The following KCNH8 variants were observed in gnomAD, a reference collection of about 807,000 sequenced individuals.
KCNH8 encodes the protein voltage-gated delayed rectifier potassium channel KCNH8.
A neutral mutation model predicts 103.6 loss-of-function variants in KCNH8; 70 were observed. That is an observed-to-expected ratio of 0.68 (90% CI 0.56 to 0.82). The LOEUF is 0.82. Ranked by LOEUF, KCNH8 falls within the 40% of genes least tolerant of loss-of-function variation. The probability of loss-of-function intolerance (pLI) is 0.00; values close to 1 mark genes in which losing one functional copy is unlikely to be tolerated. For synonymous variants in KCNH8, 498 were observed against 489.4 expected (o/e 1.02, Z -0.23); for missense variants, 1,217 against 1,329.9 (o/e 0.92, Z 1.32).
chr3:19,231,785 G>A (rs1173909755), intron 1 of KCNH8, among the ~76,000 whole-genome samples: 1 of 152,074 alleles, frequency 6.6e-6, no homozygotes, highest in East Asian at 1.9e-4. Context: ...AAGTGTTTGG[G>A]GTCTGATTCT....
At chr3:19,251,279 C>G (rs2064274145) in intron 1 of KCNH8, among the ~76,000 whole-genome samples, 1 of 152,040 alleles carries the variant, frequency 6.6e-6, no homozygotes. Context: ...ATAAGTGATT[C>G]TGCAAAGTGT....
chr3:19,288,740 A>G (rs1286899537), intron 3 of KCNH8, among the ~76,000 whole-genome samples: 1 of 152,208 alleles, frequency 6.6e-6, no homozygotes. Context: ...CTTTGGTTAT[A>G]TACCCAGTAA....
chr3:19,254,069 C>A (rs1054877785), intron 2 of KCNH8, among the ~76,000 whole-genome samples, 182 bp downstream of exon 2: 2 of 151,614 alleles, frequency 1.3e-5, no homozygotes, highest in African/African-American at 4.8e-5. Flanking sequence ...GCATAAACTG[C>A]CTAGAAATTT....
intron 1 of KCNH8, among the ~76,000 whole-genome samples, chr3:19,197,132 G>GA (rs1025218993): frequency 2.0e-5 from 3 of 151,920 alleles, no homozygotes; most frequent in Middle Eastern, 3.4e-3. Flanking sequence ...TTATTATTCT[G>GA]AAAAAAATGC....
chr3:19,426,671 T>G (rs2067033716), intron 7 of KCNH8, among the ~76,000 whole-genome samples: 1 of 151,978 alleles, frequency 6.6e-6, no homozygotes, highest in Non-Finnish European at 1.5e-5. Context: ...GCTGTTAGCC[T>G]CATGACCAAG....
intron 1 of KCNH8, among the ~76,000 whole-genome samples, chr3:19,172,544 GTTGTCATCT>G (rs1328517173): frequency 6.6e-6 from 1 of 152,144 alleles, no homozygotes. Flanking sequence ...TTTCATCACT[GTTGTCATCT>G]TTGTCATCAT....
chr3:19,197,495 T>C (rs2063613704), intron 1 of KCNH8, among the ~76,000 whole-genome samples: 1 of 152,112 alleles, frequency 6.6e-6, no homozygotes, highest in Admixed American at 6.6e-5. Context: ...GCAGTTAATA[T>C]TAACAGTTGT....
chr3:19,247,236 C>A (rs1455627581), intron 1 of KCNH8, among the ~76,000 whole-genome samples: 1 of 152,102 alleles, frequency 6.6e-6, no homozygotes, highest in Non-Finnish European at 1.5e-5. Flanking sequence ...AGATAACCTC[C>A]TAAATTTTGG....
chr3:19,150,249 C>T (rs1365865796), intron 1 of KCNH8, among the ~76,000 whole-genome samples: 1 of 152,098 alleles, frequency 6.6e-6, no homozygotes, highest in African/African-American at 2.4e-5. Context: ...ACCACTGAAG[C>T]GCCACACAAA....
At chr3:19,167,657 C>G (rs2063298932) in intron 1 of KCNH8, among the ~76,000 whole-genome samples, 1 of 152,202 alleles carries the variant, frequency 6.6e-6, no homozygotes, top group Admixed American at 6.5e-5. Context: ...TTACTGTACA[C>G]AGATTCTGGT....
rs377409345 is a variant in KCNH8 at position 19,308,319 on chromosome 3, A to G, written c.442+26990A>G. 3.3e-5 allele frequency among the ~76,000 whole-genome samples: 5 copies of G among 151,728 alleles called. No individual in the cohort carries two copies. The South Asian group carries it at 6.2e-4, about 19-fold the overall frequency. On this transcript the variant is annotated intron_variant, in intron 3 of 15. Coordinates refer to ENST00000328405, the MANE Select transcript of KCNH8 (RefSeq NM_144633.3). ...AAAAAAAAGGTGATGATTAGAATTCATATGGCCTACTATCAGTAGACCTCA... is the reference window on the plus strand; with the variant it reads ...AAAAAAAAGGTGATGATTAGAATTCGTATGGCCTACTATCAGTAGACCTCA...
At chr3:19,301,469 C>G (rs965071806) in intron 3 of KCNH8, among the ~76,000 whole-genome samples, 1 of 150,798 alleles carries the variant, frequency 6.6e-6, no homozygotes, top group South Asian at 2.1e-4. Context: ...TAAGGAAATC[C>G]ATCATTAATA....
chr3:19,214,534 G>A (rs1450057220), intron 1 of KCNH8, among the ~76,000 whole-genome samples: 1 of 152,148 alleles, frequency 6.6e-6, no homozygotes, highest in Non-Finnish European at 1.5e-5. Context: ...AATTCTGTGG[G>A]TACACTTTGC....
Position 19,267,133 on chromosome 3 carries a change from A to T in KCNH8, c.310+13246A>T, listed in dbSNP as rs574970804. ...CAGCCGCCTCTGGGAGGTTGGGCCA[A>T]TAAAGGCACAAAGGAGGTAAACAAA... On this transcript the variant is annotated intron_variant, in intron 2 of 15. Transcript: ENST00000328405. 2.0e-3 allele frequency among the ~76,000 whole-genome samples: 308 copies of T among 152,150 alleles called. 6 individuals are homozygous for T. The highest frequency in any genetic ancestry group is 2.1e-3 in the Non-Finnish European group (145 of 67,974).
chr3:19,457,738 A>AT (rs1403804432), intron 11 of KCNH8, among the ~76,000 whole-genome samples: 5 of 151,876 alleles, frequency 3.3e-5, no homozygotes, highest in Non-Finnish European at 7.4e-5. Context: ...GTAACTCTTG[A>AT]TTTTTTTCCT....
At chr3:19,497,012 C>T (rs1204507387) in intron 11 of KCNH8, among the ~76,000 whole-genome samples, 2 of 151,572 alleles carry the variant, frequency 1.3e-5, no homozygotes. Context: ...TTATCAGTTT[C>T]TTCTAGATTT....
intron 5 of KCNH8, 149 bp downstream of exon 5, chr3:19,348,114 T>C (rs1471448549): frequency 1.1e-6 from 1 of 893,058 alleles, no homozygotes; most frequent in Non-Finnish European, 1.7e-6. Context: ...CATACTGTAT[T>C]TGGATTTCTG....
chr3:19,385,693 C>A (rs1245123543), intron 5 of KCNH8, among the ~76,000 whole-genome samples: 1 of 152,168 alleles, frequency 6.6e-6, no homozygotes, highest in Non-Finnish European at 1.5e-5. Flanking sequence ...GTCCCTCAAG[C>A]CTCTCTTCAT....
chr3:19,527,685 T>G (rs917680038), intron 15 of KCNH8, among the ~76,000 whole-genome samples: 1 of 152,104 alleles, frequency 6.6e-6, no homozygotes, highest in Non-Finnish European at 1.5e-5. Flanking sequence ...AGTCAGTGAT[T>G]CCCTTCTTAG....
Sources: gnomAD v4.1 joint callset for allele counts (sites outside exome capture counted in the v4.1 genomes callset) on GRCh38, gnomAD v4.1.1 for gene constraint, MANE v1.5 for transcripts, NCBI Gene and HGNC (gene_info 2026-07-23, HGNC 2026-07-21) for gene names.